The following ADH1B variants were observed in gnomAD, a reference collection of about 807,000 sequenced individuals.
The protein encoded by ADH1B is alcohol dehydrogenase 1B (class I), beta polypeptide.
In ADH1B, 29 loss-of-function variants were observed where a neutral mutation model predicts 34.6. The ratio of observed to expected loss-of-function variants is 0.84; its 90% CI spans 0.62 to 1.14. ADH1B has a LOEUF of 1.14. Ranked by LOEUF, ADH1B falls within the 50% of genes most tolerant of loss-of-function variation. ADH1B has a pLI of 0.00. For synonymous variants in ADH1B, 170 were observed against 175.5 expected, an observed-to-expected ratio of 0.97 and a Z score of 0.25; for missense variants, 424 against 468.4, an observed-to-expected ratio of 0.91 and a Z score of 0.87.
intron 1 of ADH1B, chr4:99,320,983 A>G (rs1351859074): frequency 9.1e-7 from 1 of 1,101,828 alleles, no homozygotes; most frequent in Non-Finnish European, 1.2e-6. Context: ...TATAAAGATA[A>G]CTTGCCATTA....
Position 99,318,876 on chromosome 4 carries a change from C to CATTT in ADH1B, c.25_28dup (p.Cys10Ter), listed in dbSNP as rs1413394969. The CATTT allele has an allele frequency of 6.2e-7, 1 of 1,613,706 alleles. No homozygotes were observed. The highest frequency in any genetic ancestry group is 1.1e-5 in the South Asian group (1 of 91,078). ...TACCTCCCATAGCACAGCTGCTTTG[C>CATTT]ATTTGATTACCTAGAAAATCAAACA... On this transcript the variant is annotated stop_gained and frameshift_variant, in exon 2 of 9. Coordinates refer to ENST00000305046, the MANE Select transcript of ADH1B (RefSeq NM_000668.6). LOFTEE classifies it high-confidence loss of function.
intron 8 of ADH1B, among the ~76,000 whole-genome samples, 177 bp downstream of exon 8, chr4:99,310,588 G>A (rs1222608119): frequency 1.3e-5 from 2 of 152,150 alleles, no homozygotes; most frequent in African/African-American, 4.8e-5. Flanking sequence ...GAAATGCAAA[G>A]CAACTGTTTT....
chr4:99,315,597 T>C, intron 5 of ADH1B: 1 of 441,730 alleles, frequency 2.3e-6, no homozygotes, highest in Non-Finnish European at 4.2e-6. Flanking sequence ...TTATAGGTGC[T>C]CTCTAATCGT....
At chr4:99,318,563 A>G (rs2110638626) in intron 2 of ADH1B, 1 of 512,420 alleles carries the variant, frequency 2.0e-6, no homozygotes, top group African/African-American at 2.2e-5. Flanking sequence ...GTACAAACAT[A>G]AATTCTTTTG....
At chr4:99,310,244 T>A in intron 8 of ADH1B, 1 of 309,770 alleles carries the variant, frequency 3.2e-6, no homozygotes, top group Non-Finnish European at 6.3e-6. Flanking sequence ...GGTAAAAAAT[T>A]TTTTCTTAAA....
At chr4:99,313,022 TTTC>T (rs1334157054) in intron 6 of ADH1B, among the ~76,000 whole-genome samples, 1 of 150,326 alleles carries the variant, frequency 6.7e-6, no homozygotes, top group African/African-American at 2.5e-5. Flanking sequence ...TTTTCTTTTT[TTTC>T]TTTTTTCTTT....
intron 1 of ADH1B, 94 bp from the exon 2 acceptor site, chr4:99,318,980 C>T: frequency 7.5e-7 from 1 of 1,326,066 alleles, no homozygotes; most frequent in Non-Finnish European, 1.1e-6. Context: ...ATATTGCGTC[C>T]CATGTCTGGT....
In ADH1B at chr4:99,316,298, A is replaced by G. The variant is rs1340747353; in HGVS notation, c.264T>C (p.Asp88=). 1 of 1,613,634 alleles carries G rather than the reference A, an allele frequency of 6.2e-7. No individual in the cohort carries two copies. Among genetic ancestry groups the G allele is most frequent in the Non-Finnish European group, 8.5e-7 (1 of 1,179,882 alleles). The change falls in exon 4 of 9, where the codon GAT becomes GAC. Residue 88 remains aspartate (D), a synonymous_variant. Coordinates refer to ENST00000305046, the MANE Select transcript of ADH1B (RefSeq NM_000668.6). ...GAGGAGTAAAGAGCGGGATGACTTT[A>G]TCACCTGGAGAGGAATAAAACAAGT... ...GEGVTTVKPG[D]KVIPLFTPQC...
chr4:99,321,046 A>G (rs1734012847), intron 1 of ADH1B: 1 of 614,362 alleles, frequency 1.6e-6, no homozygotes, highest in East Asian at 6.2e-5. Flanking sequence ...CTTGGAATAA[A>G]CTATCATTTT....
rs184916807 is a variant in ADH1B at position 99,321,248 on chromosome 4, A to G, written c.18+66T>C. On this transcript the variant is annotated intron_variant, in intron 1 of 8. Transcript: ENST00000305046. The stretch of plus-strand genomic sequence containing the variant: ...ATGAATTTTAAATTATTCATCAAAT[A>G]CTGTATTCCTTTCTTTGTTATATTG... 511 of 1,369,070 alleles carry G rather than the reference A, an allele frequency of 3.7e-4. 2 individuals are homozygous for G. In the African/African-American group the frequency reaches 6.6e-3, roughly 18 times the overall value. The allele number at this position is 1,369,070 out of a possible 1,614,324, so 84.8% of individuals were successfully genotyped here. A position where few individuals can be genotyped will look rare whatever the true frequency, so the allele number is the denominator to read the frequency against.
intron 6 of ADH1B, among the ~76,000 whole-genome samples, chr4:99,312,097 T>A (rs1349316987): frequency 1.3e-5 from 2 of 152,208 alleles, no homozygotes; most frequent in Admixed American, 6.5e-5. Flanking sequence ...GATTTTACAT[T>A]AAAATACACT....
At position 99,316,250 on chromosome 4, in the gene ADH1B, A is replaced by G. The variant is rs971026459; in HGVS notation, c.312T>C (p.Cys104=). 6.2e-7 allele frequency: 1 copy of G among 1,614,090 alleles called. No homozygotes were observed. Among genetic ancestry groups the G allele is most frequent in the African/African-American group, 1.3e-5 (1 of 74,930 alleles). The change falls in exon 4 of 9, where the codon TGT becomes TGC. Residue 104 remains cysteine (C), a synonymous_variant. Transcript: ENST00000305046. ...FTPQCGKCRV[C]KNPESNYCLK... is the part of the protein sequence containing the mutation. ...AGCAGTAGTTGCTCTCCGGGTTTTT[A>G]CAAACTCTGCATTTTCCACACTGAG...
chr4:99,320,859 A>G (rs1212629271), intron 1 of ADH1B: 10 of 1,260,820 alleles, frequency 7.9e-6, no homozygotes, highest in Non-Finnish European at 1.0e-5. Context: ...AGGTTAAAGG[A>G]TATTTCAGTC....
At chr4:99,317,482 A>G (rs1256637384) in intron 3 of ADH1B, 3 of 152,240 alleles carry the variant, frequency 2.0e-5, no homozygotes, top group Non-Finnish European at 2.9e-5. Context: ...CGTTTCTTTC[A>G]TTTCCTTTCA....
chr4:99,308,177 G>A (rs1170293733), intron 8 of ADH1B, among the ~76,000 whole-genome samples: 1 of 151,782 alleles, frequency 6.6e-6, no homozygotes, highest in African/African-American at 2.4e-5. Flanking sequence ...GGTATAATAA[G>A]GAATATAAAA....
At chr4:99,318,732 G>A (rs1174591805) in intron 2 of ADH1B, 53 bp downstream of exon 2, 2 of 1,520,066 alleles carry the variant, frequency 1.3e-6, no homozygotes, top group East Asian at 2.3e-5. Flanking sequence ...CATTTTTAAT[G>A]TTCTCTGAGT....
chr4:99,307,407 G>C lies in ADH1B; in HGVS notation c.*433C>G, dbSNP rs563121276. On this transcript the variant is annotated 3_prime_UTR_variant, in exon 9 of 9. Coordinates refer to ENST00000305046, the MANE Select transcript of ADH1B (RefSeq NM_000668.6). ...TTTTTATTAGAAAAAGGAAAATGTC[G>C]ACAGTGAAAACTGAGACAGAGTTAG... The C allele has an allele frequency of 5.6e-6, 1 of 178,744 alleles. No homozygotes were observed. Among genetic ancestry groups the C allele is most frequent in the Non-Finnish European group, 1.2e-5 (1 of 86,474 alleles). The allele number at this position is 178,744 out of a possible 1,614,324, so 11.1% of individuals were successfully genotyped here.
chr4:99,317,132 A>C (rs1733905691), intron 3 of ADH1B: 1 of 152,146 alleles, frequency 6.6e-6, no homozygotes, highest in Non-Finnish European at 1.5e-5. Context: ...TCACAGTTTA[A>C]ATTGGTATTT....
intron 1 of ADH1B, chr4:99,319,141 G>A (rs866687371): frequency 4.7e-5 from 25 of 533,700 alleles, no homozygotes; most frequent in South Asian, 1.0e-4. Flanking sequence ...TTCTTATGTT[G>A]TTGTTTTTTC....
Sources: allele counts gnomAD v4.1 joint callset (sites outside exome capture counted in the v4.1 genomes callset), GRCh38; gene constraint gnomAD v4.1.1; transcripts MANE v1.5; gene names NCBI Gene and HGNC (gene_info 2026-07-23, HGNC 2026-07-21).